Variants in CIP2A observed in about 807,000 individuals in gnomAD.
CIP2A encodes protein CIP2A.
In CIP2A, 103 loss-of-function variants were observed where a neutral mutation model predicts 110.9. That is an observed-to-expected ratio of 0.93 (90% CI 0.79 to 1.09). CIP2A has a LOEUF of 1.09. CIP2A is among the 50% of genes least tolerant of loss of function. The pLI is 0.00. For synonymous variants in CIP2A, 381 were observed against 361.6 expected (o/e 1.05, Z -0.61); for missense variants, 1,088 against 1,038.4 (o/e 1.05, Z -0.66).
chr3:108,552,381 GAA>G lies in CIP2A; in HGVS notation c.2408-10_2408-9del. The G allele has an allele frequency of 1.3e-6, 2 of 1,491,220 alleles. No homozygotes were observed. Among genetic ancestry groups the G allele is most frequent in the Non-Finnish European group, 1.8e-6 (2 of 1,108,106 alleles). The allele number at this position is 1,491,220 out of a possible 1,614,324, so 92.4% of individuals were successfully genotyped here. ...TTGTTTTTTGATGCAAATCTTAAAA[GAA>G]AAAAAAGTCAAGTATTATACTCAGA... On this transcript the variant is annotated splice_polypyrimidine_tract_variant and intron_variant, in intron 19 of 20. Coordinates refer to ENST00000295746, the MANE Select transcript of CIP2A (RefSeq NM_020890.3).
chr3:108,566,688 A>G lies in CIP2A; in HGVS notation c.1274-50T>C, dbSNP rs1938199530. 2 of 1,191,890 alleles carry G rather than the reference A, an allele frequency of 1.7e-6. 1 individual carries two copies. The highest frequency in any genetic ancestry group is 3.0e-5 in the South Asian group (2 of 67,054). 73.8% of individuals were successfully genotyped at this position (1,191,890 alleles called of 1,614,324 possible). A position where few individuals can be genotyped will look rare whatever the true frequency, so the allele number is the denominator to read the frequency against. Reference sequence around the variant, plus strand: ...CAAAAAAATTCTCACTTTATGTGTAAAAGATAACATTCAGGATGATTTCAT... The same window carrying G: ...CAAAAAAATTCTCACTTTATGTGTAGAAGATAACATTCAGGATGATTTCAT... On this transcript the variant is annotated intron_variant, in intron 10 of 20. Transcript: ENST00000295746.
intron 7 of CIP2A, among the ~76,000 whole-genome samples, chr3:108,576,608 C>T (rs371402383): frequency 8.5e-5 from 13 of 152,062 alleles, no homozygotes; most frequent in Non-Finnish European, 1.5e-4. Flanking sequence ...TCTTTATCCA[C>T]GAATACACAT....
chr3:108,554,268 G>A (rs1419235895), intron 18 of CIP2A, 108 bp downstream of exon 18: 1 of 548,998 alleles, frequency 1.8e-6, no homozygotes, highest in Non-Finnish European at 3.2e-6. Context: ...TCTAAAATAA[G>A]TGACAATTCT....
intron 4 of CIP2A, among the ~76,000 whole-genome samples, chr3:108,581,900 C>CT (rs894615886): frequency 1.3e-5 from 2 of 150,902 alleles, no homozygotes; most frequent in Admixed American, 6.6e-5. Context: ...TTTTTTTTTC[C>CT]TTTTTACATT....
intron 16 of CIP2A, among the ~76,000 whole-genome samples, chr3:108,558,556 TGATACCATGAGTGAG>T (rs1035715086): frequency 6.6e-6 from 1 of 152,118 alleles, no homozygotes; most frequent in Non-Finnish European, 1.5e-5. Flanking sequence ...AAGCAGTCTT[TGATACCATGAGTGAG>T]GGAAAAAAGA....
intron 7 of CIP2A, among the ~76,000 whole-genome samples, chr3:108,577,576 G>A (rs1559700730): frequency 6.6e-6 from 1 of 152,122 alleles, no homozygotes; most frequent in Non-Finnish European, 1.5e-5. Context: ...GTCATCTTCT[G>A]CATAAAAGGT....
At chr3:108,563,382 T>C in intron 12 of CIP2A, 138 bp from the exon 13 acceptor site, 2 of 626,128 alleles carry the variant, frequency 3.2e-6, no homozygotes, top group Non-Finnish European at 5.8e-6. Flanking sequence ...GAATATATTA[T>C]AGTCTATATA....
At chr3:108,587,361 C>G (rs958754219) in intron 1 of CIP2A, among the ~76,000 whole-genome samples, 1 of 151,952 alleles carries the variant, frequency 6.6e-6, no homozygotes, top group Non-Finnish European at 1.5e-5. Flanking sequence ...AATGAAGTAG[C>G]GGTACATGTG....
At position 108,576,260 on chromosome 3, in the gene CIP2A, T is replaced by A. The variant is rs978867397; in HGVS notation, c.894+11A>T. 18 of 1,503,296 alleles carry A rather than the reference T, an allele frequency of 1.2e-5. No homozygotes were observed. Among genetic ancestry groups the A allele is most frequent in the Non-Finnish European group, 1.6e-5 (18 of 1,118,512 alleles). The allele number at this position is 1,503,296 out of a possible 1,614,324, so 93.1% of individuals were successfully genotyped here. A position where few individuals can be genotyped will look rare whatever the true frequency, so the allele number is the denominator to read the frequency against. On this transcript the variant is annotated intron_variant, in intron 8 of 20. Coordinates refer to ENST00000295746, the MANE Select transcript of CIP2A (RefSeq NM_020890.3). ...TTAAAAGTTTAAATGAAAAGTCATG[T>A]TTTTACATACCTTTGAAGAGGAATC...
intron 12 of CIP2A, among the ~76,000 whole-genome samples, chr3:108,564,189 A>G (rs1450336498): frequency 6.6e-6 from 1 of 151,982 alleles, no homozygotes; most frequent in East Asian, 1.9e-4. Context: ...GGTAAGCCTC[A>G]TTATTTCCAG....
At chr3:108,569,802 T>C (rs1403252991) in intron 8 of CIP2A, among the ~76,000 whole-genome samples, 195 bp from the exon 9 acceptor site, 3 of 152,060 alleles carry the variant, frequency 2.0e-5, no homozygotes, top group South Asian at 2.1e-4. Flanking sequence ...TTATTAATGG[T>C]GGTTACTCCT....
At chr3:108,559,046 T>C (rs1050698107) in intron 16 of CIP2A, among the ~76,000 whole-genome samples, 1 of 152,090 alleles carries the variant, frequency 6.6e-6, no homozygotes, top group African/African-American at 2.4e-5. Context: ...CAAGGAAAGA[T>C]GACTGGCTGT....
intron 5 of CIP2A, among the ~76,000 whole-genome samples, chr3:108,580,692 G>T (rs1365459114): frequency 6.6e-6 from 1 of 151,650 alleles, no homozygotes; most frequent in Non-Finnish European, 1.5e-5. Flanking sequence ...GCAGTGGCGC[G>T]ATCTCAGCTC....
At chr3:108,565,496 T>A in intron 11 of CIP2A, 42 bp from the exon 12 acceptor site, 1 of 1,072,892 alleles carries the variant, frequency 9.3e-7, no homozygotes, top group Non-Finnish European at 1.4e-6. Context: ...ACTGAAAAAT[T>A]TCTTAGAGCT....
chr3:108,560,916 G>C, intron 13 of CIP2A, 75 bp from the exon 14 acceptor site: 1 of 1,017,530 alleles, frequency 9.8e-7, no homozygotes, highest in East Asian at 2.7e-5. Context: ...GCAGAATTAG[G>C]GAATTTTTAA....
rs760236436 is a variant in CIP2A at position 108,566,476 on chromosome 3, CA to C, written c.1415+20del. On this transcript the variant is annotated intron_variant, in intron 11 of 20. Coordinates refer to ENST00000295746, the MANE Select transcript of CIP2A (RefSeq NM_020890.3). Reference sequence around the variant, plus strand: ...ATTTTTTACTGCCTTGCCATTTTGTCATTAGAGTTTATATACTCACCATAAT... The same window carrying C: ...ATTTTTTACTGCCTTGCCATTTTGTCTTAGAGTTTATATACTCACCATAAT... 5.7e-6 allele frequency: 9 copies of C among 1,576,194 alleles called. No homozygotes were observed. The highest frequency in any genetic ancestry group is 7.7e-6 in the Non-Finnish European group (9 of 1,164,690).
At chr3:108,589,208 G>C in intron 1 of CIP2A, 66 bp downstream of exon 1, 2 of 1,208,872 alleles carry the variant, frequency 1.7e-6, no homozygotes, top group Admixed American at 1.8e-5. Context: ...GCCACTCCTC[G>C]GCCTCACTGT....
intron 14 of CIP2A, among the ~76,000 whole-genome samples, chr3:108,560,344 T>C (rs994168151): frequency 1.3e-5 from 2 of 152,134 alleles, no homozygotes; most frequent in Non-Finnish European, 2.9e-5. Context: ...GCTAATTTTT[T>C]GTATTTTTAA....
intron 2 of CIP2A, among the ~76,000 whole-genome samples, chr3:108,583,635 T>TG (rs907048641): frequency 3.9e-5 from 6 of 151,998 alleles, no homozygotes; most frequent in Admixed American, 6.6e-5. Flanking sequence ...GAGCCGTTAG[T>TG]GGGGGAGATG....
Sources: gnomAD v4.1 joint callset for allele counts (sites outside exome capture counted in the v4.1 genomes callset) on GRCh38, gnomAD v4.1.1 for gene constraint, MANE v1.5 for transcripts, NCBI Gene and HGNC (gene_info 2026-07-23, HGNC 2026-07-21) for gene names.